Variants in DAB1 observed in about 807,000 individuals in gnomAD.
DAB1 encodes DAB adaptor protein 1, also known as disabled homolog 1.
In DAB1, 15 loss-of-function variants were observed where a neutral mutation model predicts 64.6. The observed-to-expected ratio is 0.23, with a 90% confidence interval of 0.16 to 0.36. The LOEUF (loss-of-function observed/expected upper bound fraction) is 0.36, where lower values mean the gene tolerates loss of function less well. Among genes scored for constraint, DAB1 ranks in the 10% least tolerant of loss-of-function variants. DAB1 has a pLI of 1.00. For synonymous variants in DAB1, 235 were observed against 251.9 expected (o/e 0.93, Z 0.64); for missense variants, 596 against 706.7 (o/e 0.84, Z 1.78).
At chr1:57,411,631 A>C (rs759557302) in intron 1 of DAB1, among the ~76,000 whole-genome samples, 2 of 152,064 alleles carry the variant, frequency 1.3e-5, no homozygotes, top group Non-Finnish European at 2.9e-5. Flanking sequence ...TCTTTCAAAA[A>C]CCTCGGCCTC....
rs949752968 is a variant in DAB1 at position 56,995,914 on chromosome 1, T to A, written c.*2230A>T. 1.3e-5 allele frequency: 2 copies of A among 152,206 alleles called. No individual in the cohort carries two copies. The highest frequency in any genetic ancestry group is 2.9e-5 in the Non-Finnish European group (2 of 68,040). The allele number at this position is 152,206 out of a possible 1,614,324, so 9.4% of individuals were successfully genotyped here. A position where few individuals can be genotyped will look rare whatever the true frequency, so the allele number is the denominator to read the frequency against. On this transcript the variant is annotated 3_prime_UTR_variant, in exon 15 of 15. Transcript: ENST00000371236. ...AATGTTTGCTCATTTCTCAAGAAAC[T>A]CTGTGGACCAACAGGTGATAGCTAC...
At chr1:57,847,751 C>G (rs1216301189) in intron 1 of DAB1, among the ~76,000 whole-genome samples, 1 of 151,904 alleles carries the variant, frequency 6.6e-6, no homozygotes, top group Non-Finnish European at 1.5e-5. Context: ...GTAAAGAGAT[C>G]ATGATAGAAA....
intron 7 of DAB1, among the ~76,000 whole-genome samples, chr1:57,561,236 A>G (rs114632635): frequency 8.5e-5 from 13 of 152,138 alleles, no homozygotes; most frequent in Non-Finnish European, 7.4e-5. Flanking sequence ...GGTTCTTAAC[A>G]ATATGCAGGA....
intron 9 of DAB1, among the ~76,000 whole-genome samples, chr1:57,030,437 T>A (rs1646930841): frequency 6.6e-6 from 1 of 152,216 alleles, no homozygotes; most frequent in Non-Finnish European, 1.5e-5. Context: ...AGGAGCCATG[T>A]GACCAAAAAG....
At chr1:57,688,674 A>C (rs1043108974) in intron 6 of DAB1, among the ~76,000 whole-genome samples, 1 of 152,216 alleles carries the variant, frequency 6.6e-6, no homozygotes, top group Non-Finnish European at 1.5e-5. Flanking sequence ...CTAGGTGCCC[A>C]TCAACGGTGG....
At chr1:57,061,974 C>T (rs954171419) in intron 9 of DAB1, among the ~76,000 whole-genome samples, 7 of 152,200 alleles carry the variant, frequency 4.6e-5, no homozygotes, top group Non-Finnish European at 8.8e-5. Context: ...TGACTGAACA[C>T]GCTAGTTCCT....
intron 4 of DAB1, among the ~76,000 whole-genome samples, chr1:58,220,701 C>G (rs1659114306): frequency 6.6e-6 from 1 of 152,062 alleles, no homozygotes. Flanking sequence ...AAACCCATTT[C>G]CCCAATTTAA....
chr1:58,245,725 G>A (rs1345469928), intron 4 of DAB1, among the ~76,000 whole-genome samples: 4 of 151,886 alleles, frequency 2.6e-5, no homozygotes, highest in Admixed American at 6.6e-5. Flanking sequence ...CAGTCACATC[G>A]GGCTACTGTG....
intron 1 of DAB1, among the ~76,000 whole-genome samples, chr1:57,833,174 T>G (rs1652669200): frequency 6.6e-6 from 1 of 152,134 alleles, no homozygotes; most frequent in Non-Finnish European, 1.5e-5. Context: ...TTATTGCCTA[T>G]TATCGGTGGT....
chr1:57,926,130 G>T (rs1017272036), intron 5 of DAB1, among the ~76,000 whole-genome samples: 1 of 152,096 alleles, frequency 6.6e-6, no homozygotes, highest in Non-Finnish European at 1.5e-5. Context: ...TATGATTGAC[G>T]GCCTGGGTGC....
chr1:57,129,082 A>G (rs1400941243), intron 4 of DAB1, among the ~76,000 whole-genome samples: 1 of 152,174 alleles, frequency 6.6e-6, no homozygotes, highest in East Asian at 1.9e-4. Context: ...TGTAAAAGCA[A>G]CTAGCTTAGA....
intron 5 of DAB1, among the ~76,000 whole-genome samples, chr1:58,140,463 T>C (rs3850536): frequency 6.6e-6 from 1 of 152,010 alleles, no homozygotes; most frequent in Non-Finnish European, 1.5e-5. Flanking sequence ...CATGGAAATA[T>C]AAAGGCATCA....
chr1:57,474,378 A>C (rs1187341021), intron 7 of DAB1, among the ~76,000 whole-genome samples: 1 of 152,222 alleles, frequency 6.6e-6, no homozygotes, highest in Non-Finnish European at 1.5e-5. Context: ...GACTCCGCTC[A>C]TTCTCTTGCC....
chr1:58,263,503 C>T (rs1192795421), intron 4 of DAB1, among the ~76,000 whole-genome samples: 1 of 152,170 alleles, frequency 6.6e-6, no homozygotes, highest in Non-Finnish European at 1.5e-5. Flanking sequence ...CCTTCACAAT[C>T]TCCCTGGTAT....
chr1:57,109,534 A>G (rs1655468593), intron 4 of DAB1, among the ~76,000 whole-genome samples: 1 of 152,212 alleles, frequency 6.6e-6, no homozygotes, highest in African/African-American at 2.4e-5. Flanking sequence ...CAGCTTTGCA[A>G]TGTGGGAATT....
At chr1:58,518,809 CA>C (rs1177438030) in intron 2 of DAB1, among the ~76,000 whole-genome samples, 1 of 152,056 alleles carries the variant, frequency 6.6e-6, no homozygotes, top group Non-Finnish European at 1.5e-5. Flanking sequence ...GAGGAGATAG[CA>C]GACAGTCCTT....
intron 5 of DAB1, among the ~76,000 whole-genome samples, chr1:58,134,903 T>G (rs1314865828): frequency 6.6e-6 from 1 of 151,976 alleles, no homozygotes; most frequent in Non-Finnish European, 1.5e-5. Flanking sequence ...GTAGACAGGA[T>G]GAAAAATGAC....
At chr1:57,046,957 G>A (rs1248616971) in intron 9 of DAB1, among the ~76,000 whole-genome samples, 1 of 152,220 alleles carries the variant, frequency 6.6e-6, no homozygotes, top group African/African-American at 2.4e-5. Context: ...GCTTTGGGTA[G>A]GATGACCCTA....
chr1:57,027,691 T>C (rs1570537258), intron 9 of DAB1, among the ~76,000 whole-genome samples: 2 of 152,120 alleles, frequency 1.3e-5, no homozygotes, highest in East Asian at 3.9e-4. Context: ...AGAACTTTCT[T>C]TGATGTTTGG....
Sources: allele counts gnomAD v4.1 joint callset (sites outside exome capture counted in the v4.1 genomes callset), GRCh38; gene constraint gnomAD v4.1.1; transcripts MANE v1.5; gene names NCBI Gene and HGNC (gene_info 2026-07-23, HGNC 2026-07-21).